MCOLN1: variants seen among roughly 807,000 people sequenced by gnomAD.
MCOLN1 encodes the protein mucolipin TRP cation channel 1.
Under a neutral mutation model 70.3 loss-of-function variants are expected in MCOLN1, and 50 were observed. The observed-to-expected ratio is 0.71, with a 90% confidence interval of 0.57 to 0.90. The LOEUF (loss-of-function observed/expected upper bound fraction) is 0.90. Ranked by LOEUF, MCOLN1 falls within the 40% of genes least tolerant of loss-of-function variation. The pLI, the probability that MCOLN1 is intolerant of heterozygous loss-of-function variation, is 0.00. For missense variants in MCOLN1, 598 were observed against 803.5 expected, an observed-to-expected ratio of 0.74 and a Z score of 3.09; for synonymous variants, 366 against 341.0, an observed-to-expected ratio of 1.07 and a Z score of -0.81.
In MCOLN1 at chr19:7,524,748, C is replaced by T. The variant is rs939869959; in HGVS notation, c.32-213C>T. Among the ~76,000 whole-genome samples the T allele has an allele frequency of 6.6e-6, 1 of 152,190 alleles. No individual in the cohort carries two copies. The highest frequency in any genetic ancestry group is 1.5e-5 in the Non-Finnish European group (1 of 68,046). On this transcript the variant is annotated intron_variant, in intron 1 of 13. Coordinates refer to ENST00000264079, the MANE Select transcript of MCOLN1 (RefSeq NM_020533.3). The surrounding 1 kb of genome is among the most constrained non-coding windows in gnomAD (Gnocchi z 4.1). Reference sequence around the variant, plus strand: ...GCAGGAATCAGCCCAGGCCCTGTACCTCCCAAACCCAAACTCATAACCTCT... The same window carrying T: ...GCAGGAATCAGCCCAGGCCCTGTACTTCCCAAACCCAAACTCATAACCTCT...
chr19:7,530,730 G>A (rs890215204), intron 12 of MCOLN1, among the ~76,000 whole-genome samples: 2 of 152,180 alleles, frequency 1.3e-5, no homozygotes, highest in Admixed American at 1.3e-4. Context: ...GGGCAACCGA[G>A]TCATAGAGTT....
At chr19:7,527,832 G>A (rs368404767) in intron 5 of MCOLN1, 32 bp from the exon 6 acceptor site, 88 of 1,553,828 alleles carry the variant, frequency 5.7e-5, no homozygotes, top group South Asian at 1.8e-4. Context: ...ACCCGAAGAC[G>A]CCCCTGACCC....
chr19:7,529,519 C>G, intron 10 of MCOLN1, 71 bp from the exon 11 acceptor site: 2 of 1,372,600 alleles, frequency 1.5e-6, no homozygotes, highest in Middle Eastern at 2.5e-4. Context: ...CCTCCCACCC[C>G]CATCTGGGTG....
Position 7,526,982 on chromosome 19 carries a change from TCAACAGCTGTGGCTGGG to T in MCOLN1, c.571+59_571+75del. 1 of 1,606,240 alleles carries T rather than the reference TCAACAGCTGTGGCTGGG, an allele frequency of 6.2e-7. No homozygotes were observed. The highest frequency in any genetic ancestry group is 8.5e-7 in the Non-Finnish European group (1 of 1,173,844). On this transcript the variant is annotated intron_variant, in intron 4 of 13. Coordinates refer to ENST00000264079, the MANE Select transcript of MCOLN1 (RefSeq NM_020533.3). This position sits in a 1 kb window ranked among gnomAD's most constrained non-coding sequence, Gnocchi z 4.6. Reference sequence around the variant, plus strand: ...GGAGCCTGAGCTGCTGGGATTAAAATCAACAGCTGTGGCTGGGCACGGTGGCTCACGCCTATAATACC... The same window carrying T: ...GGAGCCTGAGCTGCTGGGATTAAAATCACGGTGGCTCACGCCTATAATACC...
intron 10 of MCOLN1, 100 bp downstream of exon 10, chr19:7,529,302 C>A (rs2022619697): frequency 9.0e-7 from 1 of 1,117,190 alleles, no homozygotes; most frequent in Admixed American, 1.9e-5. Flanking sequence ...GCCAATGGCC[C>A]CTTGCAAGCC....
chr19:7,529,261 A>C, intron 10 of MCOLN1, 59 bp downstream of exon 10: 6 of 1,449,532 alleles, frequency 4.1e-6, no homozygotes, highest in Non-Finnish European at 5.8e-6. Flanking sequence ...CTCCAAATAA[A>C]TCCCTACACA....
Position 7,527,614 on chromosome 19 carries a change from G to A in MCOLN1, c.666G>A (p.Thr222=), listed in dbSNP as rs757935075. 6.2e-6 allele frequency: 10 copies of A among 1,612,608 alleles called. No homozygotes were observed. The highest frequency in any genetic ancestry group is 4.5e-5 in the East Asian group (2 of 44,878). The part of the protein sequence containing the change: ...LESSSSYKNL[T]LKFHKLVNVT... Reference sequence around the variant, plus strand: ...GCAGCTCCAGTTACAAGAACCTCACGCTCAAATTCCACAAGTACTGCCTGC... The same window carrying A: ...GCAGCTCCAGTTACAAGAACCTCACACTCAAATTCCACAAGTACTGCCTGC... The change falls in exon 5 of 14, where the codon ACG becomes ACA. Residue 222 remains threonine (T), a synonymous_variant. Transcript: ENST00000264079.
Position 7,526,975 on chromosome 19 carries a change from A to G in MCOLN1, c.571+49A>G, listed in dbSNP as rs2022581175. On this transcript the variant is annotated intron_variant, in intron 4 of 13. Coordinates refer to ENST00000264079, the MANE Select transcript of MCOLN1 (RefSeq NM_020533.3). The surrounding 1 kb of genome is among the most constrained non-coding windows in gnomAD (Gnocchi z 4.6). ...ACTGTTGGGAGCCTGAGCTGCTGGG[A>G]TTAAAATCAACAGCTGTGGCTGGGC... is the stretch of plus-strand genomic sequence containing the variant. The G allele has an allele frequency of 6.2e-7, 1 of 1,609,828 alleles. No homozygotes were observed. The highest frequency in any genetic ancestry group is 8.5e-7 in the Non-Finnish European group (1 of 1,176,790).
At position 7,528,798 on chromosome 19, in the gene MCOLN1, C is replaced by T. The variant is rs1054551222; in HGVS notation, c.985-23C>T. ...TGAGGGTCCTGTGCCTGGTCAGGCC[C>T]TCACCCCGCCTGCCTTCTGCAGGAG... On this transcript the variant is annotated intron_variant, in intron 8 of 13. Coordinates refer to ENST00000264079, the MANE Select transcript of MCOLN1 (RefSeq NM_020533.3). The surrounding 1 kb of genome is among the most constrained non-coding windows in gnomAD (Gnocchi z 4.2). The T allele has an allele frequency of 1.5e-5, 25 of 1,614,006 alleles. No homozygotes were observed. The highest frequency in any genetic ancestry group is 2.7e-5 in the African/African-American group (2 of 74,944).
At position 7,526,807 on chromosome 19, in the gene MCOLN1, G is replaced by T. The variant is rs140148914; in HGVS notation, c.452G>T (p.Arg151Leu). The T allele has an allele frequency of 1.2e-6, 2 of 1,614,098 alleles. No individual in the cohort carries two copies. The highest frequency in any genetic ancestry group is 1.1e-5 in the South Asian group (1 of 91,088). ...DVSLGRYAYV[R>L]GGGDPWTNGS... ...TCACTGGGCCGGTATGCGTATGTCC[G>T]TGGTGGGGGTGACCCTTGGACCAAT... Residue 151 changes from arginine (R) to leucine (L), a missense_variant, in exon 4 of 14, where the codon CGT becomes CTT. Transcript: ENST00000264079. The surrounding 1 kb of genome is among the most constrained non-coding windows in gnomAD (Gnocchi z 4.6).
chr19:7,529,349 A>C (rs865837367), intron 10 of MCOLN1, 147 bp downstream of exon 10: 2 of 922,852 alleles, frequency 2.2e-6, no homozygotes, highest in African/African-American at 1.6e-5. Context: ...TATATCTGTC[A>C]CTGCACCTGC....
chr19:7,529,501 G>GGCCCCCCCCCCCCC, intron 10 of MCOLN1, 89 bp from the exon 11 acceptor site: 1 of 747,250 alleles, frequency 1.3e-6, no homozygotes, highest in Non-Finnish European at 2.3e-6. Context: ...CCTCGGCAAG[G>GGCCCCCCCCCCCCC]CCCCGCCCCT....
In MCOLN1 at chr19:7,524,883, T is replaced by C. The variant is rs560573602; in HGVS notation, c.32-78T>C. On this transcript the variant is annotated intron_variant, in intron 1 of 13. Transcript: ENST00000264079. The surrounding 1 kb of genome is among the most constrained non-coding windows in gnomAD (Gnocchi z 4.1). ...CATGGGGACATGAAGATAGGGCGTG[T>C]GCTGCCTTCCTGGTTGGAGAAAGGG... The C allele has an allele frequency of 2.7e-5, 32 of 1,205,474 alleles. No homozygotes were observed. The African/African-American group carries it at 4.1e-4, about 15-fold the overall frequency. The allele number at this position is 1,205,474 out of a possible 1,614,324, so 74.7% of individuals were successfully genotyped here. A position where few individuals can be genotyped will look rare whatever the true frequency, so the allele number is the denominator to read the frequency against.
At chr19:7,530,607 G>A in intron 12 of MCOLN1, 106 bp downstream of exon 12, 3 of 1,074,524 alleles carry the variant, frequency 2.8e-6, no homozygotes, top group Admixed American at 3.4e-5. Context: ...ACCCAGGAGA[G>A]AATATGGGAG....
At chr19:7,533,442 G>T in intron 12 of MCOLN1, 81 bp from the exon 13 acceptor site, 1 of 1,581,404 alleles carries the variant, frequency 6.3e-7, no homozygotes, top group South Asian at 1.1e-5. Flanking sequence ...ATGCAGATAT[G>T]GCTGGAGGGG....
intron 12 of MCOLN1, among the ~76,000 whole-genome samples, chr19:7,532,258 C>T (rs1425180259): frequency 6.6e-6 from 1 of 152,158 alleles, no homozygotes; most frequent in Non-Finnish European, 1.5e-5. Context: ...GAACAGACAT[C>T]CCATGACCAA....
At position 7,528,778 on chromosome 19, in the gene MCOLN1, G is replaced by A; in HGVS notation, c.985-43G>A. The A allele has an allele frequency of 6.2e-7, 1 of 1,614,108 alleles. No homozygotes were observed. The highest frequency in any genetic ancestry group is 8.5e-7 in the Non-Finnish European group (1 of 1,179,968). On this transcript the variant is annotated intron_variant, in intron 8 of 13. Transcript: ENST00000264079. This position sits in a 1 kb window ranked among gnomAD's most constrained non-coding sequence, Gnocchi z 4.2. The stretch of plus-strand genomic sequence containing the variant: ...GGCGATAAAAGCCAGGGCTTTGAGG[G>A]TCCTGTGCCTGGTCAGGCCCTCACC...
rs904417875 is a variant in MCOLN1, at chr19:7,525,476, G to C, written c.237+310G>C. Reference sequence around the variant, plus strand: ...CCACTGCACTCCAGCCTGGGCAACAGAGCAAGACTGTCTCAAAAAAAAAAA... The same window carrying C: ...CCACTGCACTCCAGCCTGGGCAACACAGCAAGACTGTCTCAAAAAAAAAAA... On this transcript the variant is annotated intron_variant, in intron 2 of 13. Coordinates refer to ENST00000264079, the MANE Select transcript of MCOLN1 (RefSeq NM_020533.3). This position sits in a 1 kb window ranked among gnomAD's most constrained non-coding sequence, Gnocchi z 4.2. 4 of 335,362 alleles carry C rather than the reference G, an allele frequency of 1.2e-5. No homozygotes were observed. The highest frequency in any genetic ancestry group is 9.4e-5 in the African/African-American group (4 of 42,514). 20.8% of individuals were successfully genotyped at this position (335,362 alleles called of 1,614,324 possible).
In MCOLN1 at chr19:7,533,960, G is replaced by T. The variant is rs2146031053; in HGVS notation, c.*165G>T. On this transcript the variant is annotated 3_prime_UTR_variant, in exon 14 of 14. Coordinates refer to ENST00000264079, the MANE Select transcript of MCOLN1 (RefSeq NM_020533.3). ...ACCCTTGGGGGCGGGGAGACTGGGT[G>T]GGGAGGGTGTTGAATAAAAGGGAAA... 4 of 758,080 alleles carry T rather than the reference G, an allele frequency of 5.3e-6. No homozygotes were observed. Among genetic ancestry groups the T allele is most frequent in the Non-Finnish European group, 9.1e-6 (4 of 441,608 alleles). The allele number at this position is 758,080 out of a possible 1,614,324, so 47.0% of individuals were successfully genotyped here.
Sources: allele counts gnomAD v4.1 joint callset (sites outside exome capture counted in the v4.1 genomes callset), GRCh38; gene constraint gnomAD v4.1.1; non-coding constraint Gnocchi (gnomAD v3.1); transcripts MANE v1.5; gene names NCBI Gene and HGNC (gene_info 2026-07-23, HGNC 2026-07-21).